Variants in BMP8A observed in about 807,000 individuals in gnomAD.
BMP8A encodes the protein BMP-8A.
BMP8A carries 14 observed loss-of-function variants against 36.8 expected under a neutral mutation model. The observed-to-expected ratio is 0.38, with a 90% CI of 0.25 to 0.60. The LOEUF (loss-of-function observed/expected upper bound fraction) is 0.60, where lower values mean the gene tolerates loss of function less well. Among genes scored for constraint, BMP8A ranks in the 20% least tolerant of loss-of-function variants. The probability of loss-of-function intolerance (pLI) is 0.63; values close to 1 mark genes in which losing one functional copy is unlikely to be tolerated. For synonymous variants in BMP8A, 120 were observed against 237.7 expected, an observed-to-expected ratio of 0.50 and a Z score of 4.55; for missense variants, 267 against 551.1, an observed-to-expected ratio of 0.48 and a Z score of 5.16.
intron 1 of BMP8A, among the ~76,000 whole-genome samples, chr1:39,493,097 C>G (rs1019009319): frequency 2.6e-4 from 40 of 152,200 alleles, no homozygotes. Context: ...TTGGTCTATG[C>G]TCGTGTAGTT....
In BMP8A at chr1:39,526,521, T is replaced by C. The variant is rs1645485112; in HGVS notation, c.*723T>C. The stretch of plus-strand genomic sequence containing the variant: ...GCCCAGCTCATTCTTGTATTTTTAG[T>C]AGAGACGGGGTTTCACCATATCGGC... On this transcript the variant is annotated 3_prime_UTR_variant, in exon 7 of 7. Transcript: ENST00000331593. Among the ~76,000 whole-genome samples, 1 of 152,116 alleles carries C rather than the reference T, an allele frequency of 6.6e-6. No homozygotes were observed. Among genetic ancestry groups the C allele is most frequent in the Non-Finnish European group, 1.5e-5 (1 of 68,020 alleles).
At chr1:39,523,400 C>A (rs2124380952) in intron 6 of BMP8A, among the ~76,000 whole-genome samples, 1 of 152,376 alleles carries the variant, frequency 6.6e-6, no homozygotes, top group Middle Eastern at 3.4e-3. Context: ...GGGACACTTA[C>A]ACACCTGCGT....
At chr1:39,494,080 G>T (rs1383831393) in intron 1 of BMP8A, among the ~76,000 whole-genome samples, 1 of 152,256 alleles carries the variant, frequency 6.6e-6, no homozygotes, top group Non-Finnish European at 1.5e-5. Flanking sequence ...GTTGTTGTGT[G>T]ATTGGTAGAG....
intron 1 of BMP8A, among the ~76,000 whole-genome samples, chr1:39,508,985 G>A (rs1645327001): frequency 6.6e-6 from 1 of 152,222 alleles, no homozygotes; most frequent in African/African-American, 2.4e-5. Flanking sequence ...GAGTCAGCCT[G>A]GGTAGACCCA....
At chr1:39,504,134 T>C (rs931625094) in intron 1 of BMP8A, among the ~76,000 whole-genome samples, 3 of 152,152 alleles carry the variant, frequency 2.0e-5, no homozygotes, top group African/African-American at 7.2e-5. Flanking sequence ...CATATCACTT[T>C]GAAGGGGGCC....
At chr1:39,513,982 G>T (rs1445180186) in intron 3 of BMP8A, among the ~76,000 whole-genome samples, 1 of 151,682 alleles carries the variant, frequency 6.6e-6, no homozygotes, top group South Asian at 2.1e-4. Flanking sequence ...AGAAGCAAGG[G>T]TTTGTCATTT....
At chr1:39,523,884 G>A (rs148987950) in intron 6 of BMP8A, 151 of 310,342 alleles carry the variant, frequency 4.9e-4, no homozygotes, top group African/African-American at 3.0e-3. Flanking sequence ...TTGATCAGGC[G>A]CAGTGGCTCA....
intron 1 of BMP8A, among the ~76,000 whole-genome samples, chr1:39,499,610 C>T (rs939302147): frequency 9.9e-5 from 15 of 152,214 alleles, no homozygotes; most frequent in Admixed American, 3.9e-4. Flanking sequence ...TGGCCATGCC[C>T]GGTGAAGGCC....
intron 1 of BMP8A, among the ~76,000 whole-genome samples, chr1:39,497,162 C>T (rs1003050053): frequency 6.6e-6 from 1 of 152,196 alleles, no homozygotes; most frequent in African/African-American, 2.4e-5. Context: ...ATACATACCA[C>T]AGTCCATCCA....
At chr1:39,495,049 C>T (rs1335478500) in intron 1 of BMP8A, among the ~76,000 whole-genome samples, 2 of 152,114 alleles carry the variant, frequency 1.3e-5, no homozygotes, top group Non-Finnish European at 2.9e-5. Context: ...TAGACACGTA[C>T]CAGGATGCTC....
Position 39,523,025 on chromosome 1 carries a change from C to T in BMP8A, c.967C>T (p.Gln323Ter). 1.2e-6 allele frequency: 2 copies of T among 1,612,474 alleles called. No individual in the cohort carries two copies. Among genetic ancestry groups the T allele is most frequent in the Non-Finnish European group, 1.7e-6 (2 of 1,179,114 alleles). ...CCCCCAGGACTGGGTCATCGCCCCC[C>T]AAGGCTACTCAGCCTATTACTGTGA... ...LGWLDWVIAP[Q>*]GYSAYYCEGE... The change falls in exon 6 of 7, where the codon CAA (glutamine) becomes TAA (stop). Residue 323 changes from glutamine to a stop codon, truncating the protein, a stop_gained. Coordinates refer to ENST00000331593, the MANE Select transcript of BMP8A (RefSeq NM_181809.4). LOFTEE classifies it high-confidence loss of function.
At position 39,523,081 on chromosome 1, in the gene BMP8A, C is replaced by T; in HGVS notation, c.1023C>T (p.Cys341=). 1 of 1,614,028 alleles carries T rather than the reference C, an allele frequency of 6.2e-7. No homozygotes were observed. Among genetic ancestry groups the T allele is most frequent in the Non-Finnish European group, 8.5e-7 (1 of 1,179,966 alleles). ...AGTGCTCCTTCCCGCTGGACTCCTG[C>T]ATGAACGCCACCAACCACGCCATCC... ...EGECSFPLDS[C]MNATNHAILQ... Residue 341 remains cysteine (C), a synonymous_variant, in exon 6 of 7, where the codon TGC becomes TGT. Transcript: ENST00000331593.
At position 39,522,971 on chromosome 1, in the gene BMP8A, A is replaced by G. The variant is rs1645443285; in HGVS notation, c.949-36A>G. Reference sequence around the variant, plus strand: ...TGGGCCCTGAGGCTCAGGGAGGAGCACATGGATGGGACTCACCTTCTCCCT... The same window carrying G: ...TGGGCCCTGAGGCTCAGGGAGGAGCGCATGGATGGGACTCACCTTCTCCCT... On this transcript the variant is annotated intron_variant, in intron 5 of 6. Transcript: ENST00000331593. 6.5e-6 allele frequency: 10 copies of G among 1,543,380 alleles called. No homozygotes were observed. The East Asian group carries it at 2.3e-4, about 35-fold the overall frequency.
chr1:39,524,950 C>A lies in BMP8A; in HGVS notation c.1060-699C>A. 1 of 152,654 alleles carries A rather than the reference C, an allele frequency of 6.6e-6. No homozygotes were observed. Among genetic ancestry groups the A allele is most frequent in the Non-Finnish European group, 1.5e-5 (1 of 68,274 alleles). The allele number at this position is 152,654 out of a possible 1,614,324, so 9.5% of individuals were successfully genotyped here. A position where few individuals can be genotyped will look rare whatever the true frequency, so the allele number is the denominator to read the frequency against. On this transcript the variant is annotated intron_variant, in intron 6 of 6. Coordinates refer to ENST00000331593, the MANE Select transcript of BMP8A (RefSeq NM_181809.4). This position sits in a 1 kb window ranked among gnomAD's most constrained non-coding sequence, Gnocchi z 4.0. ...GAGGCGAAAGGAGTCATCCAGGAGG[C>A]CTCCCAGGCGGGAGCTATGATGTCA...
chr1:39,503,329 G>C (rs954091143), intron 1 of BMP8A, among the ~76,000 whole-genome samples: 1 of 151,684 alleles, frequency 6.6e-6, no homozygotes, highest in Non-Finnish European at 1.5e-5. Context: ...CTGCAGCCTA[G>C]GTGACCAAGT....
At position 39,528,822 on chromosome 1, in the gene BMP8A, G is replaced by A. The variant is rs925571040; in HGVS notation, c.*3024G>A. Among the ~76,000 whole-genome samples, 1 of 151,510 alleles carries A rather than the reference G, an allele frequency of 6.6e-6. No individual in the cohort carries two copies. ...GGGCTCAAGCAATCCTCCCACTTCA[G>A]CCCGAGTTGCTGGGATGACAGGCAC... On this transcript the variant is annotated 3_prime_UTR_variant, in exon 7 of 7. Coordinates refer to ENST00000331593, the MANE Select transcript of BMP8A (RefSeq NM_181809.4).
chr1:39,525,592 G>C, intron 6 of BMP8A, 57 bp from the exon 7 acceptor site: 1 of 1,596,586 alleles, frequency 6.3e-7, no homozygotes, highest in Non-Finnish European at 8.5e-7. Flanking sequence ...GGGCTAGGTG[G>C]GTCCTCAGAG....
In BMP8A at chr1:39,508,245, C is replaced by T. The variant is rs1398300110; in HGVS notation, c.335-2929C>T. Among the ~76,000 whole-genome samples the T allele has an allele frequency of 1.0e-4, 11 of 110,080 alleles. No individual in the cohort carries two copies. The East Asian group carries it at 1.7e-3, about 17-fold the overall frequency. 72.2% of individuals were successfully genotyped at this position (110,080 alleles called of 152,430 possible). A position where few individuals can be genotyped will look rare whatever the true frequency, so the allele number is the denominator to read the frequency against. On this transcript the variant is annotated intron_variant, in intron 1 of 6. Coordinates refer to ENST00000331593, the MANE Select transcript of BMP8A (RefSeq NM_181809.4). ...CAGCCTGGGAGACAGAGCAAGACTC[C>T]GTCTCAAAAAAAAAAAAAAGAAAAA...
Position 39,527,390 on chromosome 1 carries a change from C to A in BMP8A, c.*1592C>A, listed in dbSNP as rs1645493580. ...ACAGACAGAGTCCAGCTGCCCAAAC[C>A]GTGTCATTAAAAGCAGATCCTGGGC... On this transcript the variant is annotated 3_prime_UTR_variant, in exon 7 of 7. Coordinates refer to ENST00000331593, the MANE Select transcript of BMP8A (RefSeq NM_181809.4). 6.6e-6 allele frequency among the ~76,000 whole-genome samples: 1 copy of A among 152,192 alleles called. No individual in the cohort carries two copies. Among genetic ancestry groups the A allele is most frequent in the Non-Finnish European group, 1.5e-5 (1 of 68,026 alleles).
Sources: gnomAD v4.1 joint callset for allele counts (sites outside exome capture counted in the v4.1 genomes callset) on GRCh38, gnomAD v4.1.1 for gene constraint, Gnocchi (gnomAD v3.1) non-coding constraint, MANE v1.5 for transcripts, NCBI Gene and HGNC (gene_info 2026-07-23, HGNC 2026-07-21) for gene names.